CBLN2: variants seen among roughly 807,000 people sequenced by gnomAD.
CBLN2 encodes the protein cerebellin 2 precursor.
In CBLN2, 7 loss-of-function variants were observed where a neutral mutation model predicts 15.0. That is an observed-to-expected ratio of 0.47 (90% CI 0.27 to 0.88). The LOEUF (loss-of-function observed/expected upper bound fraction) is 0.88. Ranked by LOEUF, CBLN2 falls within the 40% of genes least tolerant of loss-of-function variation. The probability of loss-of-function intolerance (pLI) is 0.14; values close to 1 mark genes in which losing one functional copy is unlikely to be tolerated. For synonymous variants in CBLN2, 149 were observed against 135.2 expected, an observed-to-expected ratio of 1.10 and a Z score of -0.71; for missense variants, 242 against 304.5, an observed-to-expected ratio of 0.79 and a Z score of 1.53.
intron 3 of CBLN2, among the ~76,000 whole-genome samples, chr18:72,540,829 C>T (rs1376070200): frequency 1.3e-5 from 2 of 152,202 alleles, no homozygotes; most frequent in Admixed American, 6.5e-5. Flanking sequence ...CAATTAAACA[C>T]GTACAGTAAG....
chr18:72,623,743 A>G (rs948905048), intron 1 of CBLN2, among the ~76,000 whole-genome samples: 1 of 152,154 alleles, frequency 6.6e-6, no homozygotes, highest in East Asian at 1.9e-4. Flanking sequence ...GATTGTGAAC[A>G]ACATTACCAA....
At chr18:72,552,424 G>A (rs2069197398) in intron 1 of CBLN2, 1 of 151,844 alleles carries the variant, frequency 6.6e-6, no homozygotes, top group Non-Finnish European at 1.5e-5. Context: ...ATTTAAATCA[G>A]CTTATCATAC....
upstream of CBLN2, among the ~76,000 whole-genome samples, chr18:72,545,611 C>A (rs1428949578): frequency 6.6e-6 from 1 of 152,188 alleles, no homozygotes; most frequent in Non-Finnish European, 1.5e-5. Flanking sequence ...CTATTTCATC[C>A]ATGTGATAGT....
At chr18:72,618,909 C>G (rs1011081804) in intron 1 of CBLN2, 10 of 730,802 alleles carry the variant, frequency 1.4e-5, no homozygotes, top group African/African-American at 1.0e-4. Flanking sequence ...GGAATGACAA[C>G]TTTGGTCATG....
upstream of CBLN2, among the ~76,000 whole-genome samples, chr18:72,545,499 T>G (rs1218009786): frequency 6.6e-6 from 1 of 152,244 alleles, no homozygotes. Flanking sequence ...TTTGCCAGGA[T>G]GCTTTTTCAA....
chr18:72,570,281 GGTT>G (rs774984009), intron 1 of CBLN2, among the ~76,000 whole-genome samples: 7 of 95,114 alleles, frequency 7.4e-5, no homozygotes, highest in Non-Finnish European at 1.2e-4. Flanking sequence ...CTTTCTTTCT[GGTT>G]TTTTTTTTTT....
intron 1 of CBLN2, among the ~76,000 whole-genome samples, chr18:72,565,614 A>T (rs1177201423): frequency 3.9e-5 from 6 of 152,204 alleles, no homozygotes; most frequent in Non-Finnish European, 7.4e-5. Flanking sequence ...CCCCATAATA[A>T]CAACACATAA....
upstream of CBLN2, among the ~76,000 whole-genome samples, chr18:72,546,233 T>C (rs373351172): frequency 5.9e-5 from 9 of 152,176 alleles, no homozygotes; most frequent in South Asian, 8.3e-4. Context: ...GTCAGGAGAT[T>C]GAGACCATCC....
chr18:72,633,363 G>A (rs2069789775), intron 1 of CBLN2, among the ~76,000 whole-genome samples: 1 of 152,150 alleles, frequency 6.6e-6, no homozygotes, highest in South Asian at 2.1e-4. Context: ...TAGGACCAGA[G>A]CCCTGTGTTA....
intron 1 of CBLN2, among the ~76,000 whole-genome samples, chr18:72,600,877 T>C (rs1275867665): frequency 6.6e-6 from 1 of 152,120 alleles, no homozygotes; most frequent in African/African-American, 2.4e-5. Context: ...AGTCACCCTC[T>C]AGGTGGGGTC....
At chr18:72,633,907 A>G (rs1384932123) in intron 1 of CBLN2, among the ~76,000 whole-genome samples, 2 of 152,174 alleles carry the variant, frequency 1.3e-5, no homozygotes, top group Non-Finnish European at 2.9e-5. Context: ...TGAGAGTAAA[A>G]TAAATAATCC....
chr18:72,636,510 C>T (rs2069813636), intron 1 of CBLN2, among the ~76,000 whole-genome samples: 1 of 152,122 alleles, frequency 6.6e-6, no homozygotes, highest in Non-Finnish European at 1.5e-5. Context: ...TGGGTCATTT[C>T]ACCAGCTGGG....
intron 1 of CBLN2, among the ~76,000 whole-genome samples, chr18:72,609,849 T>A (rs1404895416): frequency 6.6e-6 from 1 of 152,214 alleles, no homozygotes; most frequent in East Asian, 1.9e-4. Context: ...ACAAAGCTTC[T>A]ACTTCCTACT....
chr18:72,570,793 G>C lies in CBLN2; in HGVS notation c.16-32021C>G, dbSNP rs2069327815. On this transcript the variant is annotated intron_variant, in intron 1 of 2. Transcript: ENST00000581073. ...GTAAGAGAGCTGCAACAAGAAGGCA[G>C]AGTGTGCCCTTGTTCAACCTCAGCT... 2.0e-5 allele frequency among the ~76,000 whole-genome samples: 3 copies of C among 152,142 alleles called. No homozygotes were observed. In the South Asian group the frequency reaches 6.2e-4, roughly 31 times the overall value.
At position 72,601,844 on chromosome 18, in the gene CBLN2, A is replaced by G. The variant is rs532988408; in HGVS notation, c.15+36481T>C. Among the ~76,000 whole-genome samples the G allele has an allele frequency of 3.9e-5, 6 of 152,184 alleles. No individual in the cohort carries two copies. In the East Asian group the frequency reaches 9.7e-4, roughly 25 times the overall value. On this transcript the variant is annotated intron_variant, in intron 1 of 2. Coordinates refer to the CBLN2 transcript ENST00000581073. Reference sequence around the variant, plus strand: ...ACAGACTCTTTTGTACAATAAACCTATGTTACTGTTGAGCTGCTTCTGTTC... The same window carrying G: ...ACAGACTCTTTTGTACAATAAACCTGTGTTACTGTTGAGCTGCTTCTGTTC...
intron 1 of CBLN2, among the ~76,000 whole-genome samples, chr18:72,595,354 A>C (rs901994405): frequency 6.6e-6 from 1 of 151,920 alleles, no homozygotes; most frequent in Non-Finnish European, 1.5e-5. Flanking sequence ...TCCTCTTGTT[A>C]TTGATTTCTA....
At chr18:72,595,347 T>C (rs1007744420) in intron 1 of CBLN2, among the ~76,000 whole-genome samples, 1 of 152,146 alleles carries the variant, frequency 6.6e-6, no homozygotes, top group African/African-American at 2.4e-5. Context: ...TCAAAACTCC[T>C]CTTGTTATTG....
chr18:72,625,408 T>A (rs978215243), intron 1 of CBLN2, among the ~76,000 whole-genome samples: 1 of 152,012 alleles, frequency 6.6e-6, no homozygotes, highest in African/African-American at 2.4e-5. Context: ...TCCTTCTTAA[T>A]GTTTACCACT....
At chr18:72,625,814 CTCTCTATATA>C (rs1340261563) in intron 1 of CBLN2, among the ~76,000 whole-genome samples, 2,297 of 66,526 alleles carry the variant, frequency 0.035, 75 homozygotes, top group African/African-American at 0.11. Flanking sequence ...CTCTCTCTCT[CTCTCTATATA>C]TATATATATA....
Sources: gnomAD v4.1 joint callset for allele counts (sites outside exome capture counted in the v4.1 genomes callset) on GRCh38, gnomAD v4.1.1 for gene constraint, MANE v1.5 for transcripts, NCBI Gene and HGNC (gene_info 2026-07-23, HGNC 2026-07-21) for gene names.